TTC28: variants seen among roughly 807,000 people sequenced by gnomAD.
The protein encoded by TTC28 is tetratricopeptide repeat domain 28.
In TTC28, 61 loss-of-function variants were observed where a neutral mutation model predicts 198.0. The ratio of observed to expected loss-of-function variants is 0.31; its 90% CI spans 0.25 to 0.38. The LOEUF is 0.38. TTC28 is among the 10% of genes least tolerant of loss of function. The pLI is 1.00. For synonymous variants in TTC28, 1,171 were observed against 1,297.8 expected, an observed-to-expected ratio of 0.90 and a Z score of 2.10; for missense variants, 2,678 against 3,164.0, an observed-to-expected ratio of 0.85 and a Z score of 3.69.
chr22:28,101,744 G>A (rs1191029891), intron 8 of TTC28, among the ~76,000 whole-genome samples: 1 of 109,760 alleles, frequency 9.1e-6, no homozygotes, highest in Non-Finnish European at 1.7e-5. Flanking sequence ...CCAGGAGTAA[G>A]AATCTAGCCT....
chr22:28,165,098 T>A (rs572879518), intron 5 of TTC28, among the ~76,000 whole-genome samples: 4 of 152,112 alleles, frequency 2.6e-5, no homozygotes, highest in African/African-American at 4.8e-5. Context: ...ACGAAATGAA[T>A]GAAATGAAGT....
intron 2 of TTC28, among the ~76,000 whole-genome samples, chr22:28,590,495 G>A (rs2050408580): frequency 6.6e-6 from 1 of 152,136 alleles, no homozygotes; most frequent in Non-Finnish European, 1.5e-5. Flanking sequence ...GCTCATGACT[G>A]TAATGCCATC....
intron 2 of TTC28, among the ~76,000 whole-genome samples, chr22:28,372,928 G>C (rs1017231364): frequency 1.3e-5 from 2 of 152,120 alleles, no homozygotes; most frequent in Non-Finnish European, 2.9e-5. Flanking sequence ...TTCCAGAACA[G>C]TGTATGTTTC....
intron 2 of TTC28, among the ~76,000 whole-genome samples, chr22:28,532,602 A>C (rs2145903792): frequency 6.6e-6 from 1 of 152,240 alleles, no homozygotes; most frequent in Middle Eastern, 3.4e-3. Flanking sequence ...GAGACACAAC[A>C]AAAAAAGAGA....
chr22:28,326,969 AACACAAACACAC>A (rs1228757609), intron 2 of TTC28, among the ~76,000 whole-genome samples: 8 of 91,484 alleles, frequency 8.7e-5, no homozygotes, highest in Admixed American at 8.3e-4. Context: ...AGCATACACA[AACACAAACACAC>A]ACACACACAC....
chr22:28,349,881 C>G (rs1387872203), intron 2 of TTC28, among the ~76,000 whole-genome samples: 1 of 152,184 alleles, frequency 6.6e-6, no homozygotes, highest in Non-Finnish European at 1.5e-5. Context: ...ATGACATGAT[C>G]CCAGTGCACT....
intron 5 of TTC28, among the ~76,000 whole-genome samples, chr22:28,229,279 C>G (rs1164361012): frequency 6.6e-6 from 1 of 152,226 alleles, no homozygotes; most frequent in African/African-American, 2.4e-5. Flanking sequence ...AAATCACACA[C>G]AGAATAAATA....
intron 2 of TTC28, among the ~76,000 whole-genome samples, chr22:28,325,207 G>T (rs372754753): frequency 6.6e-6 from 1 of 151,848 alleles, no homozygotes; most frequent in Non-Finnish European, 1.5e-5. Context: ...GTCTTGGGAG[G>T]GTGTATGTGT....
At chr22:28,530,921 AAAGG>A in intron 2 of TTC28, among the ~76,000 whole-genome samples, 1 of 152,320 alleles carries the variant, frequency 6.6e-6, no homozygotes, top group Non-Finnish European at 1.5e-5. Context: ...CTAAACATGG[AAAGG>A]AACAACCGGT....
intron 2 of TTC28, among the ~76,000 whole-genome samples, chr22:28,571,657 G>A (rs1375281738): frequency 6.6e-6 from 1 of 152,150 alleles, no homozygotes; most frequent in Non-Finnish European, 1.5e-5. Flanking sequence ...TTAACATAAT[G>A]TATACTCAGG....
intron 1 of TTC28, among the ~76,000 whole-genome samples, chr22:28,632,570 GT>G (rs1168311606): frequency 6.6e-6 from 1 of 151,756 alleles, no homozygotes; most frequent in Non-Finnish European, 1.5e-5. Context: ...TTCAGTCCTT[GT>G]TTTTAATTAT....
intron 5 of TTC28, among the ~76,000 whole-genome samples, chr22:28,281,928 G>A (rs533936727): frequency 6.6e-6 from 1 of 152,208 alleles, no homozygotes; most frequent in Non-Finnish European, 1.5e-5. Flanking sequence ...CCCCTTTACA[G>A]GATTTCCCAT....
chr22:28,145,756 T>C (rs1283574716), intron 6 of TTC28, among the ~76,000 whole-genome samples: 2 of 152,168 alleles, frequency 1.3e-5, no homozygotes. Flanking sequence ...TGGTTTTGTG[T>C]GAACAAATGA....
intron 5 of TTC28, among the ~76,000 whole-genome samples, chr22:28,187,950 A>C (rs1924360804): frequency 6.6e-6 from 1 of 152,236 alleles, no homozygotes; most frequent in Non-Finnish European, 1.5e-5. Flanking sequence ...AAGAAACATC[A>C]AGAAAACAAA....
chr22:28,677,852 C>T (rs2052024642), intron 1 of TTC28, among the ~76,000 whole-genome samples: 1 of 151,568 alleles, frequency 6.6e-6, no homozygotes, highest in African/African-American at 2.4e-5. Context: ...GCAGGGGAAT[C>T]GCTTGAATTC....
intron 6 of TTC28, among the ~76,000 whole-genome samples, chr22:28,130,910 T>C (rs950479076): frequency 2.0e-5 from 3 of 152,228 alleles, no homozygotes; most frequent in Non-Finnish European, 4.4e-5. Flanking sequence ...AACTACAATA[T>C]ATAATTCTAA....
At chr22:28,112,668 C>T (rs892097072) in intron 6 of TTC28, among the ~76,000 whole-genome samples, 4 of 152,154 alleles carry the variant, frequency 2.6e-5, no homozygotes, top group African/African-American at 9.7e-5. Context: ...AAAGCGGCCC[C>T]AGAGCTGCCA....
chr22:27,992,534 TC>T, intron 19 of TTC28, 52 bp downstream of exon 19: 1 of 1,536,684 alleles, frequency 6.5e-7, no homozygotes, highest in Non-Finnish European at 8.8e-7. Flanking sequence ...GCTCTGCCTT[TC>T]CAAATCAGCA....
In TTC28 at chr22:27,998,890, C is replaced by T. The variant is rs1308324976; in HGVS notation, c.4769G>A (p.Ser1590Asn). 3.9e-6 allele frequency: 6 copies of T among 1,550,452 alleles called. No individual in the cohort carries two copies. The highest frequency in any genetic ancestry group is 1.7e-4 in the Middle Eastern group (1 of 5,992). The stretch of plus-strand genomic sequence containing the variant: ...GCAGTCCGAGATGCTCTCCCCATCA[C>T]TGGCATCGTCCTGCACCCGCAAGGA... ...PESLRVQDDA[S>N]DGESISDCPP... is the part of the protein sequence containing the mutation. Residue 1590 changes from serine to asparagine, a missense_variant, in exon 16 of 23, where the codon AGT becomes AAT. Ser to Asn is a conservative substitution (Grantham distance 46). Around this residue, in one of 8 missense-constraint regions of TTC28, gnomAD observed 727 missense variants for 861.9 expected, o/e 0.84. Transcript: ENST00000397906.
Sources: allele counts gnomAD v4.1 joint callset (sites outside exome capture counted in the v4.1 genomes callset), GRCh38; gene constraint gnomAD v4.1.1; regional missense constraint gnomAD v4.1.1; transcripts MANE v1.5; gene names NCBI Gene and HGNC (gene_info 2026-07-23, HGNC 2026-07-21).